Variants in SYT16 observed in about 807,000 individuals in gnomAD.
SYT16 encodes the protein synaptotagmin 16, also known as synaptotagmin-16.
Under a neutral mutation model 61.4 loss-of-function variants are expected in SYT16, and 42 were observed. That is an observed-to-expected ratio of 0.68 (90% CI 0.53 to 0.89). The LOEUF is 0.89. Ranked by LOEUF, SYT16 falls within the 40% of genes least tolerant of loss-of-function variation. SYT16 has a pLI of 0.00. For synonymous variants in SYT16, 314 were observed against 302.3 expected (o/e 1.04, Z -0.40); for missense variants, 804 against 807.3 (o/e 1.00, Z 0.05).
chr14:62,100,948 C>T lies in SYT16; in HGVS notation c.*241C>T, dbSNP rs2057405219. 1 of 443,782 alleles carries T rather than the reference C, an allele frequency of 2.3e-6. No individual in the cohort carries two copies. Among genetic ancestry groups the T allele is most frequent in the Non-Finnish European group, 4.0e-6 (1 of 248,894 alleles). 27.5% of individuals were successfully genotyped at this position (443,782 alleles called of 1,614,324 possible). A position where few individuals can be genotyped will look rare whatever the true frequency, so the allele number is the denominator to read the frequency against. ...GGAAAATATTATACCACAATTAAGA[C>T]CACTGATGAGTTAATTTGTGCCAAT... On this transcript the variant is annotated 3_prime_UTR_variant, in exon 8 of 8. Transcript: ENST00000683842.
At chr14:62,089,296 G>A (rs1595389222) in intron 7 of SYT16, among the ~76,000 whole-genome samples, 1 of 146,770 alleles carries the variant, frequency 6.8e-6, no homozygotes, top group Admixed American at 7.0e-5. Flanking sequence ...TCCAGCCTGG[G>A]CCACAGAGTG....
chr14:62,056,611 G>T (rs572710915), intron 3 of SYT16, among the ~76,000 whole-genome samples: 1 of 152,316 alleles, frequency 6.6e-6, no homozygotes, highest in Admixed American at 6.5e-5. Context: ...GCACGTAGAT[G>T]TTCCTGCATA....
chr14:61,892,647 C>T (rs941152368), intron 1 of SYT16, among the ~76,000 whole-genome samples: 1 of 152,286 alleles, frequency 6.6e-6, no homozygotes, highest in Admixed American at 6.5e-5. Flanking sequence ...GATTGACTCT[C>T]ATTTGGCTGA....
At chr14:61,905,372 G>A (rs2048665361) in intron 1 of SYT16, among the ~76,000 whole-genome samples, 1 of 152,240 alleles carries the variant, frequency 6.6e-6, no homozygotes, top group Admixed American at 6.5e-5. Context: ...AAGTAATTGC[G>A]GGTTTTGCCA....
intron 1 of SYT16, among the ~76,000 whole-genome samples, chr14:61,922,105 T>C (rs1373335097): frequency 6.6e-6 from 1 of 152,174 alleles, no homozygotes; most frequent in Admixed American, 6.5e-5. Flanking sequence ...AGAAAAGAAA[T>C]GCTTTATAAG....
Position 62,081,291 on chromosome 14 carries a change from G to C in SYT16, c.1434+17G>C. The C allele has an allele frequency of 6.2e-7, 1 of 1,605,076 alleles. No homozygotes were observed. ...AATATAAGCGTGAGTATGTTAAATGGTGCTGCTAATGATGTGGTGTGTTCG... is the reference window on the plus strand; with the variant it reads ...AATATAAGCGTGAGTATGTTAAATGCTGCTGCTAATGATGTGGTGTGTTCG... On this transcript the variant is annotated intron_variant, in intron 6 of 7. Coordinates refer to ENST00000683842, the MANE Select transcript of SYT16 (RefSeq NM_001367656.1).
At chr14:61,812,542 A>G (rs2045299763), upstream of SYT16, among the ~76,000 whole-genome samples, 2 of 151,006 alleles carry the variant, frequency 1.3e-5, no homozygotes, top group Admixed American at 1.3e-4. Context: ...GGGGAGATCC[A>G]GCCTCTAGGC....
chr14:62,060,198 T>C (rs182590479), intron 3 of SYT16, among the ~76,000 whole-genome samples: 144 of 152,220 alleles, frequency 9.5e-4, no homozygotes, highest in Middle Eastern at 3.4e-3. Flanking sequence ...TTGAGGGAAA[T>C]TAGCATCTTA....
At chr14:62,070,901 A>T (rs1002903865) in intron 4 of SYT16, among the ~76,000 whole-genome samples, 2 of 152,168 alleles carry the variant, frequency 1.3e-5, no homozygotes, top group African/African-American at 4.8e-5. Context: ...GGGTGCAGAA[A>T]TTGAGAGAAG....
At chr14:61,977,860 CAT>C in intron 2 of SYT16, among the ~76,000 whole-genome samples, 1 of 152,274 alleles carries the variant, frequency 6.6e-6, no homozygotes, top group Admixed American at 6.5e-5. Flanking sequence ...CTTAAAACAA[CAT>C]AAATTATTTT....
rs146412301 is a variant in SYT16, at chr14:61,834,906, T to C, written c.-325+22096T>C. On this transcript the variant is annotated intron_variant, in intron 1 of 7. Transcript: ENST00000683842. ...AGATGTGTGTTGATATATGATGGTA[T>C]ATAGCATAGCATTCCCATAAAACCA... Among the ~76,000 whole-genome samples the C allele has an allele frequency of 3.9e-3, 587 of 152,370 alleles. 2 individuals carry two copies. Among genetic ancestry groups the C allele is most frequent in the African/African-American group, 0.014 (567 of 41,582 alleles).
chr14:62,095,217 C>A (rs976483663), intron 7 of SYT16, among the ~76,000 whole-genome samples: 6 of 151,904 alleles, frequency 3.9e-5, no homozygotes, highest in Non-Finnish European at 7.4e-5. Flanking sequence ...ATCCTCAAAT[C>A]CCTTTATAGT....
At chr14:62,043,775 C>T (rs1037758124) in intron 3 of SYT16, among the ~76,000 whole-genome samples, 1 of 152,094 alleles carries the variant, frequency 6.6e-6, no homozygotes, top group East Asian at 1.9e-4. Context: ...TCATCCCTAA[C>T]CTGTCAATGA....
At chr14:61,860,645 T>G (rs1308542707) in intron 1 of SYT16, among the ~76,000 whole-genome samples, 1 of 152,178 alleles carries the variant, frequency 6.6e-6, no homozygotes, top group Non-Finnish European at 1.5e-5. Flanking sequence ...AAACATCTAG[T>G]CCTCACAGCA....
At chr14:61,931,993 T>G (rs1345335679) in intron 1 of SYT16, among the ~76,000 whole-genome samples, 1 of 152,346 alleles carries the variant, frequency 6.6e-6, no homozygotes, top group East Asian at 1.9e-4. Flanking sequence ...TAAGTTGACC[T>G]TCCTGCTCTT....
rs552997322 is a variant in SYT16, at chr14:61,884,462, A to T, written c.-325+71652A>T. ...TGTATTACTAAAGGCACTGTGCTTC[A>T]GTCAATGATATGCATATATCCTACA... On this transcript the variant is annotated intron_variant, in intron 1 of 7. Transcript: ENST00000683842. Among the ~76,000 whole-genome samples, 38 of 152,346 alleles carry T rather than the reference A, an allele frequency of 2.5e-4. 1 individual carries two copies. In the South Asian group the frequency reaches 7.9e-3, roughly 32 times the overall value.
chr14:61,908,889 A>G (rs773912144), intron 1 of SYT16, among the ~76,000 whole-genome samples: 1 of 152,018 alleles, frequency 6.6e-6, no homozygotes, highest in Non-Finnish European at 1.5e-5. Flanking sequence ...GTGGCGTGAT[A>G]ATGGTTCACT....
At chr14:61,992,150 C>G (rs2140611921) in intron 2 of SYT16, among the ~76,000 whole-genome samples, 1 of 152,234 alleles carries the variant, frequency 6.6e-6, no homozygotes, top group East Asian at 1.9e-4. Context: ...TCAAAACACT[C>G]TGAGGCCACA....
intron 1 of SYT16, among the ~76,000 whole-genome samples, chr14:61,886,880 C>CTTTT (rs371140698): frequency 7.2e-5 from 8 of 110,808 alleles, no homozygotes; most frequent in South Asian, 3.2e-4. Flanking sequence ...TTTTTTTTGT[C>CTTTT]TTTTTTTTTT....
Sources: allele counts gnomAD v4.1 joint callset (sites outside exome capture counted in the v4.1 genomes callset), GRCh38; gene constraint gnomAD v4.1.1; transcripts MANE v1.5; gene names NCBI Gene and HGNC (gene_info 2026-07-23, HGNC 2026-07-21).